HEATR5B: variants seen among roughly 807,000 people sequenced by gnomAD.
HEATR5B encodes the protein HEAT repeat containing 5B.
Under a neutral mutation model 224.1 loss-of-function variants are expected in HEATR5B, and 156 were observed. That is an observed-to-expected ratio of 0.70 (90% confidence interval 0.61 to 0.80). The LOEUF (loss-of-function observed/expected upper bound fraction) is 0.80, where lower values mean the gene tolerates loss of function less well. Ranked by LOEUF, HEATR5B falls within the 30% of genes least tolerant of loss-of-function variation. The pLI is 0.00. For synonymous variants in HEATR5B, 1,027 were observed against 893.0 expected (o/e 1.15, Z -2.68); for missense variants, 2,323 against 2,535.5 (o/e 0.92, Z 1.80).
chr2:36,994,172 T>A (rs1287118555), intron 33 of HEATR5B, among the ~76,000 whole-genome samples: 1 of 152,172 alleles, frequency 6.6e-6, no homozygotes, highest in African/African-American at 2.4e-5. Context: ...ATGTGGATTA[T>A]AGAGAAAGTA....
chr2:37,013,701 T>A (rs765174614), intron 27 of HEATR5B, 140 bp downstream of exon 27: 20 of 569,334 alleles, frequency 3.5e-5, no homozygotes, highest in Non-Finnish European at 6.0e-5. Flanking sequence ...AGTACACTGA[T>A]TAACAAATTT....
rs757026865 is a variant in HEATR5B, at chr2:37,056,652, CT to C, written c.2224-38del. 39 of 1,532,390 alleles carry C rather than the reference CT, an allele frequency of 2.5e-5. No individual in the cohort carries two copies. The South Asian group carries it at 3.6e-4, about 14-fold the overall frequency. The allele number at this position is 1,532,390 out of a possible 1,614,324, so 94.9% of individuals were successfully genotyped here. ...TGAAATAAAAATTATTCAAAATCTACTTTAGGAAATCTACTTATTAAACATT... is the reference window on the plus strand; with the variant it reads ...TGAAATAAAAATTATTCAAAATCTACTTAGGAAATCTACTTATTAAACATT... On this transcript the variant is annotated intron_variant, in intron 15 of 35. Coordinates refer to ENST00000233099, the MANE Select transcript of HEATR5B (RefSeq NM_019024.3).
chr2:37,079,237 T>C lies in HEATR5B; in HGVS notation c.221A>G (p.Lys74Arg). The C allele has an allele frequency of 2.5e-6, 4 of 1,609,784 alleles. No individual in the cohort carries two copies. The highest frequency in any genetic ancestry group is 3.4e-6 in the Non-Finnish European group (4 of 1,176,102). Reference protein sequence around the residue: ...PGPPTRKLLAKNLAALYSIGD... With the variant: ...PGPPTRKLLARNLAALYSIGD... ...AATGCTATAAAGGGCTGCGAGATTT[T>C]TAGCTAATAATTTTCGTGTAGGTGG... Residue 74 changes from lysine to arginine, a missense_variant, in exon 3 of 36, where the codon AAA becomes AGA. Lys to Arg is a conservative substitution (Grantham distance 26, BLOSUM62 2). Around this residue, in one of 12 missense-constraint regions of HEATR5B, gnomAD observed 292 missense variants for 332.6 expected, o/e 0.88. Coordinates refer to ENST00000233099, the MANE Select transcript of HEATR5B (RefSeq NM_019024.3).
At chr2:37,025,988 T>C (rs1186854759) in intron 24 of HEATR5B, among the ~76,000 whole-genome samples, 1 of 152,198 alleles carries the variant, frequency 6.6e-6, no homozygotes, top group Non-Finnish European at 1.5e-5. Flanking sequence ...GTGAATATGT[T>C]ACCTTGCAGG....
At chr2:36,996,855 G>C (rs747431180) in intron 33 of HEATR5B, among the ~76,000 whole-genome samples, 25 of 151,972 alleles carry the variant, frequency 1.6e-4, no homozygotes, top group Non-Finnish European at 3.2e-4. Context: ...GCCTCCCAAA[G>C]TGCTGGGATT....
chr2:37,002,183 GCTT>G, intron 32 of HEATR5B, 120 bp downstream of exon 32: 1 of 1,100,616 alleles, frequency 9.1e-7, no homozygotes, highest in Non-Finnish European at 1.3e-6. Flanking sequence ...AAAAAGACCA[GCTT>G]CTTATTTTTC....
intron 33 of HEATR5B, among the ~76,000 whole-genome samples, chr2:36,993,205 T>A (rs59956837): frequency 2.0e-4 from 31 of 151,944 alleles, no homozygotes; most frequent in African/African-American, 7.0e-4. Context: ...TGGGGCCACA[T>A]TGAAGTAACA....
intron 18 of HEATR5B, among the ~76,000 whole-genome samples, chr2:37,046,069 T>C (rs574585463): frequency 3.3e-5 from 5 of 152,206 alleles, no homozygotes; most frequent in Non-Finnish European, 7.3e-5. Context: ...ATGTAGAGAT[T>C]TGAAATGAAG....
intron 2 of HEATR5B, among the ~76,000 whole-genome samples, chr2:37,081,678 T>G (rs1163163565): frequency 6.6e-6 from 1 of 152,140 alleles, no homozygotes. Context: ...GACTGAAAGT[T>G]TATTCTCTGG....
chr2:36,985,399 T>C (rs915920898), intron 35 of HEATR5B, among the ~76,000 whole-genome samples: 1 of 151,872 alleles, frequency 6.6e-6, no homozygotes, highest in Non-Finnish European at 1.5e-5. Flanking sequence ...ACATCTGTTA[T>C]CTGAGTAGTG....
chr2:36,996,056 A>C (rs1666681637), intron 33 of HEATR5B, among the ~76,000 whole-genome samples: 1 of 146,524 alleles, frequency 6.8e-6, no homozygotes, highest in Non-Finnish European at 1.5e-5. Flanking sequence ...CAACTAAATA[A>C]TGCAATTCTT....
intron 24 of HEATR5B, among the ~76,000 whole-genome samples, chr2:37,023,481 A>C (rs150941013): frequency 0.015 from 2,354 of 152,282 alleles, 34 homozygotes; most frequent in Non-Finnish European, 0.023. Context: ...TTTAAAAAGA[A>C]TATCTGGCCA....
chr2:37,027,950 G>C lies in HEATR5B; in HGVS notation c.3826C>G (p.Arg1276Gly). 1.2e-6 allele frequency: 2 copies of C among 1,614,126 alleles called. No homozygotes were observed. The highest frequency in any genetic ancestry group is 1.7e-6 in the Non-Finnish European group (2 of 1,179,956). ...GTAGGGTTTCGAAGTTTAGCAGAAC[G>C]TGCCAAGGCAAGATCAAAGTGAGCC... Reference protein sequence around the residue: ...DQAHFDLALARSAKLRNPTND... With the variant: ...DQAHFDLALAGSAKLRNPTND... Residue 1276 changes from arginine to glycine, a missense_variant, in exon 24 of 36, where the codon CGT becomes GGT. Arg to Gly is a moderately radical substitution (Grantham distance 125). Around this residue, in one of 12 missense-constraint regions of HEATR5B, gnomAD observed 339 missense variants for 378.4 expected, o/e 0.90. Transcript: ENST00000233099.
At chr2:37,014,286 C>G (rs1344089574) in intron 26 of HEATR5B, among the ~76,000 whole-genome samples, 1 of 151,998 alleles carries the variant, frequency 6.6e-6, no homozygotes, top group African/African-American at 2.4e-5. Flanking sequence ...CTCAGCCTCC[C>G]AAGTAGCTGG....
chr2:37,072,433 C>T (rs577398496), intron 5 of HEATR5B, 152 bp from the exon 6 acceptor site: 1 of 559,774 alleles, frequency 1.8e-6, no homozygotes, highest in African/African-American at 1.9e-5. Context: ...GGACATCAGG[C>T]AATGAAGCAT....
At chr2:36,988,485 C>T (rs113616733) in intron 35 of HEATR5B, among the ~76,000 whole-genome samples, 161 bp downstream of exon 35, 343 of 152,270 alleles carry the variant, frequency 2.3e-3, no homozygotes, top group African/African-American at 7.5e-3. Context: ...TGGTCTCGAT[C>T]TCCTGACCTC....
At chr2:37,063,247 G>T (rs543318635) in intron 10 of HEATR5B, among the ~76,000 whole-genome samples, 1 of 152,136 alleles carries the variant, frequency 6.6e-6, no homozygotes. Context: ...CACACAGAAT[G>T]GCTAGTATAG....
chr2:37,033,518 G>T (rs575342065), intron 21 of HEATR5B, among the ~76,000 whole-genome samples: 1 of 152,138 alleles, frequency 6.6e-6, no homozygotes, highest in Non-Finnish European at 1.5e-5. Context: ...AGCAAAGGAG[G>T]TTATCAAAGT....
chr2:36,993,135 G>A (rs1666449335), intron 33 of HEATR5B, among the ~76,000 whole-genome samples: 1 of 152,054 alleles, frequency 6.6e-6, no homozygotes, highest in Admixed American at 6.6e-5. Context: ...AACAGTGAGG[G>A]GGAAATACTC....
Sources: allele counts gnomAD v4.1 joint callset (sites outside exome capture counted in the v4.1 genomes callset), GRCh38; gene constraint gnomAD v4.1.1; regional missense constraint gnomAD v4.1.1; transcripts MANE v1.5; gene names NCBI Gene and HGNC (gene_info 2026-07-23, HGNC 2026-07-21).